The following FAM163B variants were observed in gnomAD, a reference collection of about 807,000 sequenced individuals.
FAM163B encodes the protein family with sequence similarity 163 member B, also known as protein FAM163B.
A neutral mutation model predicts 7.6 loss-of-function variants in FAM163B; 4 were observed. The ratio of observed to expected loss-of-function variants is 0.52; its 90% CI spans 0.26 to 1.20. The LOEUF is 1.20. FAM163B is among the 50% of genes most tolerant of loss of function. The pLI is 0.14. For synonymous variants in FAM163B, 120 were observed against 111.6 expected (o/e 1.07, Z -0.47); for missense variants, 250 against 243.0 (o/e 1.03, Z -0.19).
At chr9:133,582,062 C>T (rs1244188512) in intron 1 of FAM163B, among the ~76,000 whole-genome samples, 2 of 152,180 alleles carry the variant, frequency 1.3e-5, no homozygotes, top group Non-Finnish European at 2.9e-5. Context: ...AGCATGCGGC[C>T]TGCAGAGGGA....
chr9:133,589,401 G>A (rs570751287), intron 1 of FAM163B, among the ~76,000 whole-genome samples: 3 of 152,358 alleles, frequency 2.0e-5, no homozygotes, highest in Non-Finnish European at 4.4e-5. Context: ...TCTAGCATGG[G>A]GAGAGAAAAG....
intron 2 of FAM163B, 66 bp downstream of exon 2, chr9:133,580,065 C>T: frequency 1.4e-6 from 2 of 1,396,400 alleles, no homozygotes. Context: ...GGCGGGGCTC[C>T]CTCCCGAGGT....
chr9:133,579,081 G>A lies in FAM163B; in HGVS notation c.442C>T (p.Arg148Cys), dbSNP rs550586461. 57 of 1,590,706 alleles carry A rather than the reference G, an allele frequency of 3.6e-5. No individual in the cohort carries two copies. The highest frequency in any genetic ancestry group is 3.4e-4 in the East Asian group (15 of 44,390). ...FGGLQALNPN[R>C]LSAMREAFAR... ...AAGGCCTCCCGCATGGCTGAGAGGC[G>A]GTTGGGGTTGAGCGCCTGCAGGCCC... The change falls in exon 3 of 3, where the codon CGC becomes TGC. Residue 148 changes from arginine to cysteine, a missense_variant. Transcript: ENST00000673969.
rs1325672410 is a variant in FAM163B, at chr9:133,600,270, T to A, written c.-24+8807A>T. Among the ~76,000 whole-genome samples, 14 of 91,906 alleles carry A rather than the reference T, an allele frequency of 1.5e-4. No individual in the cohort carries two copies. The highest frequency in any genetic ancestry group is 5.5e-4 in the East Asian group (2 of 3,628). 60.3% of individuals were successfully genotyped at this position (91,906 alleles called of 152,430 possible). A position where few individuals can be genotyped will look rare whatever the true frequency, so the allele number is the denominator to read the frequency against. The stretch of plus-strand genomic sequence containing the variant: ...TGTGTGAGTGTGGTCTGTGTGTGTG[T>A]GTGTGTGTGTGTGTGTGTGTGTGTG... On this transcript the variant is annotated intron_variant, in intron 1 of 2. Transcript: ENST00000673969. The surrounding 1 kb of genome is among the most constrained non-coding windows in gnomAD (Gnocchi z 4.9).
chr9:133,578,521 GGAGA>G lies in FAM163B; in HGVS notation c.*497_*500del, dbSNP rs920191291. 6.4e-6 allele frequency: 1 copy of G among 155,728 alleles called. No homozygotes were observed. Among genetic ancestry groups the G allele is most frequent in the African/African-American group, 2.4e-5 (1 of 41,544 alleles). The allele number at this position is 155,728 out of a possible 1,614,324, so 9.6% of individuals were successfully genotyped here. On this transcript the variant is annotated 3_prime_UTR_variant, in exon 3 of 3. Coordinates refer to ENST00000673969, the MANE Select transcript of FAM163B (RefSeq NM_001080515.3). ...GGGTAGGGGAGAGAGAGGGAAAAAT[GGAGA>G]GAAAGAGGCTGGAGTTCAAGGTGGA...
chr9:133,601,765 C>T lies in FAM163B; in HGVS notation c.-24+7312G>A, dbSNP rs1831732835. 6.6e-6 allele frequency among the ~76,000 whole-genome samples: 1 copy of T among 152,184 alleles called. No homozygotes were observed. The highest frequency in any genetic ancestry group is 1.5e-5 in the Non-Finnish European group (1 of 68,034). On this transcript the variant is annotated intron_variant, in intron 1 of 2. Transcript: ENST00000673969. The surrounding 1 kb of genome is among the most constrained non-coding windows in gnomAD (Gnocchi z 4.1). ...TTGGTCTGGGGGAGCCACAGCCACA[C>T]AAAACCACCAGCCATCTGACCACCA...
At chr9:133,594,557 C>A (rs1006950737) in intron 1 of FAM163B, among the ~76,000 whole-genome samples, 10 of 152,174 alleles carry the variant, frequency 6.6e-5, no homozygotes, top group Non-Finnish European at 1.3e-4. Flanking sequence ...TCTAGTAGCA[C>A]CCTCTGTCTG....
intron 1 of FAM163B, among the ~76,000 whole-genome samples, chr9:133,589,509 A>G (rs1359976846): frequency 6.6e-6 from 1 of 152,184 alleles, no homozygotes; most frequent in Non-Finnish European, 1.5e-5. Context: ...CCCCACCCTC[A>G]GCTTGCCTGT....
intron 1 of FAM163B, among the ~76,000 whole-genome samples, chr9:133,582,467 G>C (rs7045027): frequency 6.6e-6 from 1 of 152,290 alleles, no homozygotes; most frequent in Non-Finnish European, 1.5e-5. Flanking sequence ...GTCAGGGCTG[G>C]ATCCGCTGCT....
rs995452779 is a variant in FAM163B, at chr9:133,577,559, C to T, written c.*1463G>A. Among the ~76,000 whole-genome samples, 1 of 152,258 alleles carries T rather than the reference C, an allele frequency of 6.6e-6. No homozygotes were observed. The highest frequency in any genetic ancestry group is 6.5e-5 in the Admixed American group (1 of 15,292). On this transcript the variant is annotated 3_prime_UTR_variant, in exon 3 of 3. Coordinates refer to ENST00000673969, the MANE Select transcript of FAM163B (RefSeq NM_001080515.3). Reference sequence around the variant, plus strand: ...AAGTGTCCTGCTCAAGCCACCCCTCCGCTCAGGGAAGGTCACTGCCCGGCC... The same window carrying T: ...AAGTGTCCTGCTCAAGCCACCCCTCTGCTCAGGGAAGGTCACTGCCCGGCC...
In FAM163B at chr9:133,602,482, AG is replaced by A. The variant is rs370465256; in HGVS notation, c.-24+6594del. ...CAATGCTAACCCCTCCTCTTCTGGC[AG>A]CTGGGCAATGATGAGCGCTCCCAGG... is the stretch of plus-strand genomic sequence containing the variant. On this transcript the variant is annotated intron_variant, in intron 1 of 2. Coordinates refer to ENST00000673969, the MANE Select transcript of FAM163B (RefSeq NM_001080515.3). Among the ~76,000 whole-genome samples the A allele has an allele frequency of 2.5e-3, 387 of 152,226 alleles. 4 individuals carry two copies. The highest frequency in any genetic ancestry group is 8.7e-3 in the African/African-American group (361 of 41,528).
At chr9:133,596,670 A>G (rs896012049) in intron 1 of FAM163B, among the ~76,000 whole-genome samples, 2 of 152,182 alleles carry the variant, frequency 1.3e-5, no homozygotes, top group African/African-American at 4.8e-5. Context: ...TGATAGCCCA[A>G]GGAGGCCAAA....
rs1045128787 is a variant in FAM163B at position 133,606,351 on chromosome 9, C to T, written c.-24+2726G>A. Among the ~76,000 whole-genome samples, 1 of 152,330 alleles carries T rather than the reference C, an allele frequency of 6.6e-6. No individual in the cohort carries two copies. Among genetic ancestry groups the T allele is most frequent in the Non-Finnish European group, 1.5e-5 (1 of 68,030 alleles). On this transcript the variant is annotated intron_variant, in intron 1 of 2. Coordinates refer to ENST00000673969, the MANE Select transcript of FAM163B (RefSeq NM_001080515.3). The surrounding 1 kb of genome is among the most constrained non-coding windows in gnomAD (Gnocchi z 4.0). ...AGGGAGCTGGCAAACACTGAGGCCT[C>T]GGAACTCATCAAATCCCCTCTGGAG...
At chr9:133,588,881 G>A (rs1350021105) in intron 1 of FAM163B, among the ~76,000 whole-genome samples, 1 of 151,694 alleles carries the variant, frequency 6.6e-6, no homozygotes, top group Non-Finnish European at 1.5e-5. Flanking sequence ...AAAAGGACTG[G>A]GTTTCTGGAT....
At chr9:133,590,124 CTCCCCT>C (rs1564193608) in intron 1 of FAM163B, among the ~76,000 whole-genome samples, 6 of 28,722 alleles carry the variant, frequency 2.1e-4, no homozygotes, top group African/African-American at 3.1e-4. Context: ...TCCCCTTCCC[CTCCCCT>C]TCCCCTCCCC....
At position 133,600,497 on chromosome 9, in the gene FAM163B, G is replaced by A. The variant is rs1226242012; in HGVS notation, c.-24+8580C>T. ...GGCACTTACGAGGGAAGCCCCAGAT[G>A]GCCCCTGCAGCTGGGCCTCTAGATT... is the stretch of plus-strand genomic sequence containing the variant. On this transcript the variant is annotated intron_variant, in intron 1 of 2. Coordinates refer to ENST00000673969, the MANE Select transcript of FAM163B (RefSeq NM_001080515.3). This position sits in a 1 kb window ranked among gnomAD's most constrained non-coding sequence, Gnocchi z 4.9. 6.6e-6 allele frequency among the ~76,000 whole-genome samples: 1 copy of A among 152,172 alleles called. No individual in the cohort carries two copies. Among genetic ancestry groups the A allele is most frequent in the South Asian group, 2.1e-4 (1 of 4,838 alleles).
In FAM163B at chr9:133,579,016, C is replaced by A; in HGVS notation, c.*6G>T. The A allele has an allele frequency of 6.6e-7, 1 of 1,509,788 alleles. No homozygotes were observed. The highest frequency in any genetic ancestry group is 2.2e-5 in the Admixed American group (1 of 45,530). 93.5% of individuals were successfully genotyped at this position (1,509,788 alleles called of 1,614,324 possible). A position where few individuals can be genotyped will look rare whatever the true frequency, so the allele number is the denominator to read the frequency against. On this transcript the variant is annotated 3_prime_UTR_variant, in exon 3 of 3. Transcript: ENST00000673969. ...TCAAGGCCAGGATCCCGGGGGCGGG[C>A]CCAGGTCACACGTCGGTGCTGATGC...
At chr9:133,588,663 C>CTAGTGTGTTGAGAGATCAAGCACGT (rs1831486318) in intron 1 of FAM163B, among the ~76,000 whole-genome samples, 3 of 7,170 alleles carry the variant, frequency 4.2e-4, no homozygotes, top group Admixed American at 1.4e-3. Context: ...ATCTAGCATG[C>CTAGTGTGTTGAGAGATCAAGCACGT]TGAGGGATCT....
chr9:133,600,940 C>T lies in FAM163B; in HGVS notation c.-24+8137G>A, dbSNP rs1430833441. On this transcript the variant is annotated intron_variant, in intron 1 of 2. Transcript: ENST00000673969. This position sits in a 1 kb window ranked among gnomAD's most constrained non-coding sequence, Gnocchi z 4.9. ...GGGTAGGGGGGGAGCTTCATTGCCT[C>T]GAGTTCCTGGCTGAACTCCAGACAT... Among the ~76,000 whole-genome samples, 2 of 152,130 alleles carry T rather than the reference C, an allele frequency of 1.3e-5. No homozygotes were observed. Among genetic ancestry groups the T allele is most frequent in the African/African-American group, 4.8e-5 (2 of 41,434 alleles).
Sources: allele counts gnomAD v4.1 joint callset (sites outside exome capture counted in the v4.1 genomes callset), GRCh38; gene constraint gnomAD v4.1.1; non-coding constraint Gnocchi (gnomAD v3.1); transcripts MANE v1.5; gene names NCBI Gene and HGNC (gene_info 2026-07-23, HGNC 2026-07-21).